The following LRRC4C variants were observed in gnomAD, a reference collection of about 807,000 sequenced individuals.
LRRC4C encodes leucine rich repeat containing 4C.
LRRC4C carries 5 observed loss-of-function variants against 33.6 expected under a neutral mutation model. That is an observed-to-expected ratio of 0.15 (90% confidence interval 0.08 to 0.31). LRRC4C has a LOEUF of 0.31. Among genes scored for constraint, LRRC4C ranks in the 10% least tolerant of loss-of-function variants. LRRC4C has a pLI of 1.00. For missense variants in LRRC4C, 560 were observed against 796.7 expected, an observed-to-expected ratio of 0.70 and a Z score of 3.58; for synonymous variants, 329 against 302.0, an observed-to-expected ratio of 1.09 and a Z score of -0.93.
intron 2 of LRRC4C, among the ~76,000 whole-genome samples, chr11:40,772,970 A>G (rs1949822433): frequency 6.6e-6 from 1 of 152,228 alleles, no homozygotes; most frequent in Non-Finnish European, 1.5e-5. Context: ...CAACAGATGA[A>G]TTAATAAAGG....
chr11:40,716,842 A>G (rs1347941676), intron 2 of LRRC4C, among the ~76,000 whole-genome samples: 6 of 152,080 alleles, frequency 3.9e-5, no homozygotes, highest in African/African-American at 9.7e-5. Flanking sequence ...GGGGAGCTGC[A>G]TTTTACAGGG....
intron 2 of LRRC4C, among the ~76,000 whole-genome samples, chr11:40,878,923 T>C (rs1379104105): frequency 6.6e-6 from 1 of 152,196 alleles, no homozygotes; most frequent in Non-Finnish European, 1.5e-5. Context: ...AATCAGTAAA[T>C]GGGGTTGTTG....
chr11:40,735,389 C>T (rs1338329583), intron 2 of LRRC4C, among the ~76,000 whole-genome samples: 2 of 144,958 alleles, frequency 1.4e-5, no homozygotes, highest in East Asian at 2.0e-4. Context: ...TCAATTCCGA[C>T]CTATGAGTGA....
Position 40,774,316 on chromosome 11 carries a change from A to G in LRRC4C, c.-406-126038T>C, listed in dbSNP as rs187466045. Among the ~76,000 whole-genome samples, 1,321 of 152,276 alleles carry G rather than the reference A, an allele frequency of 8.7e-3. 12 individuals carry two copies. The highest frequency in any genetic ancestry group is 0.011 in the Non-Finnish European group (774 of 67,988). ...AATAGATGTTATTAGAACTATATCA[A>G]TGAGACTGAGAGAAAATTCCAAGAA... is the stretch of plus-strand genomic sequence containing the variant. On this transcript the variant is annotated intron_variant, in intron 2 of 6. Coordinates refer to ENST00000528697, the MANE Select transcript of LRRC4C (RefSeq NM_001258419.2).
At chr11:40,258,082 A>G (rs929693447) in intron 4 of LRRC4C, among the ~76,000 whole-genome samples, 1 of 152,180 alleles carries the variant, frequency 6.6e-6, no homozygotes, top group African/African-American at 2.4e-5. Context: ...CCTATCTTTT[A>G]AAACAACAAA....
At chr11:41,184,212 C>T (rs536496249) in intron 1 of LRRC4C, among the ~76,000 whole-genome samples, 7 of 152,100 alleles carry the variant, frequency 4.6e-5, no homozygotes, top group Admixed American at 6.5e-5. Flanking sequence ...TCATTATTTA[C>T]GCAAATTTCT....
chr11:41,048,280 T>C (rs1375842422), intron 1 of LRRC4C, among the ~76,000 whole-genome samples: 1 of 112,122 alleles, frequency 8.9e-6, no homozygotes, highest in African/African-American at 3.1e-5. Flanking sequence ...TTTTTTTTTT[T>C]TGGAGATAGA....
intron 5 of LRRC4C, among the ~76,000 whole-genome samples, chr11:40,212,621 C>G (rs977690553): frequency 3.9e-5 from 6 of 152,110 alleles, no homozygotes; most frequent in Non-Finnish European, 8.8e-5. Flanking sequence ...GCACTTCCAA[C>G]AGCATCCATT....
At chr11:40,336,630 C>T (rs10742539) in intron 3 of LRRC4C, among the ~76,000 whole-genome samples, 148,387 of 152,222 alleles carry the variant, frequency 0.97, 72,436 homozygotes, top group Middle Eastern at 1. Context: ...AGAGAGTCAG[C>T]AGACAAATAA....
chr11:41,454,163 C>T (rs1025636894), intron 1 of LRRC4C, among the ~76,000 whole-genome samples: 2 of 152,072 alleles, frequency 1.3e-5, no homozygotes, highest in African/African-American at 2.4e-5. Flanking sequence ...TGGTACCAGC[C>T]GTGCAGTTAG....
At position 40,578,138 on chromosome 11, in the gene LRRC4C, TC is replaced by T. The variant is rs1958285366; in HGVS notation, c.-270+70003del. Reference sequence around the variant, plus strand: ...CGTGATATTATTGGACTTTTTTTTTTCGGTTTTTTTTTTTTTTTTTTTTTTT... The same window carrying T: ...CGTGATATTATTGGACTTTTTTTTTTGGTTTTTTTTTTTTTTTTTTTTTTT... On this transcript the variant is annotated intron_variant, in intron 3 of 6. Transcript: ENST00000528697. Among the ~76,000 whole-genome samples the T allele has an allele frequency of 1.1e-4, 7 of 62,822 alleles. 2 individuals carry two copies. Among genetic ancestry groups the T allele is most frequent in the East Asian group, 7.1e-4 (2 of 2,836 alleles). 41.2% of individuals were successfully genotyped at this position (62,822 alleles called of 152,430 possible). A position where few individuals can be genotyped will look rare whatever the true frequency, so the allele number is the denominator to read the frequency against.
intron 1 of LRRC4C, among the ~76,000 whole-genome samples, chr11:41,407,298 T>C (rs2138174559): frequency 6.6e-6 from 1 of 151,872 alleles, no homozygotes; most frequent in South Asian, 2.1e-4. Context: ...CATTGAATTT[T>C]TCCTTTTTTT....
intron 1 of LRRC4C, among the ~76,000 whole-genome samples, chr11:40,954,836 C>T (rs2136777070): frequency 6.6e-6 from 1 of 151,890 alleles, no homozygotes; most frequent in African/African-American, 2.4e-5. Flanking sequence ...ATTTTGGGTC[C>T]TGACTGGCTA....
intron 5 of LRRC4C, among the ~76,000 whole-genome samples, chr11:40,189,188 G>A (rs926817615): frequency 2.0e-5 from 3 of 152,082 alleles, no homozygotes; most frequent in Non-Finnish European, 4.4e-5. Flanking sequence ...TTTTAAAAAT[G>A]AGATTTCTTT....
At chr11:40,153,445 T>G (rs1417200913) in intron 5 of LRRC4C, among the ~76,000 whole-genome samples, 2 of 152,032 alleles carry the variant, frequency 1.3e-5, no homozygotes, top group African/African-American at 4.8e-5. Context: ...TAAAAATCCC[T>G]GATTTACCTG....
At chr11:41,211,834 G>A (rs1946836186) in intron 1 of LRRC4C, among the ~76,000 whole-genome samples, 1 of 152,040 alleles carries the variant, frequency 6.6e-6, no homozygotes, top group African/African-American at 2.4e-5. Context: ...ATATTCCTTT[G>A]GGTATATACC....
chr11:40,759,893 TA>T (rs913741021), intron 2 of LRRC4C, among the ~76,000 whole-genome samples: 21 of 138,828 alleles, frequency 1.5e-4, no homozygotes, highest in Middle Eastern at 3.8e-3. Context: ...CACTGAGAGT[TA>T]AAAAAAAATA....
chr11:40,846,535 A>G (rs911387404), intron 2 of LRRC4C, among the ~76,000 whole-genome samples: 2 of 152,094 alleles, frequency 1.3e-5, no homozygotes, highest in African/African-American at 4.8e-5. Flanking sequence ...CCACTGGTCT[A>G]TATATCTGTT....
intron 3 of LRRC4C, among the ~76,000 whole-genome samples, chr11:40,430,722 TCTAA>T (rs570933877): frequency 2.4e-4 from 37 of 152,028 alleles, no homozygotes; most frequent in Non-Finnish European, 4.4e-4. Flanking sequence ...CACAAATCAA[TCTAA>T]CTAATATGTG....
Sources: gnomAD v4.1 joint callset for allele counts (sites outside exome capture counted in the v4.1 genomes callset) on GRCh38, gnomAD v4.1.1 for gene constraint, MANE v1.5 for transcripts, NCBI Gene and HGNC (gene_info 2026-07-23, HGNC 2026-07-21) for gene names.